Variants in ECSIT observed in about 807,000 individuals in gnomAD.
ECSIT encodes evolutionarily conserved signaling intermediate in Toll pathway, mitochondrial.
Under a neutral mutation model 36.8 loss-of-function variants are expected in ECSIT, and 29 were observed. The ratio of observed to expected loss-of-function variants is 0.79; its 90% confidence interval spans 0.59 to 1.08. The LOEUF is 1.08. Ranked by LOEUF, ECSIT falls within the 50% of genes least tolerant of loss-of-function variation. The probability of loss-of-function intolerance (pLI) is 0.00; values close to 1 mark genes in which losing one functional copy is unlikely to be tolerated. For missense variants in ECSIT, 542 were observed against 581.0 expected, an observed-to-expected ratio of 0.93 and a Z score of 0.69; for synonymous variants, 231 against 234.8, an observed-to-expected ratio of 0.98 and a Z score of 0.15.
Position 11,514,183 on chromosome 19 carries a change from T to C in ECSIT, c.135A>G (p.Ala45=). 1 of 1,609,114 alleles carries C rather than the reference T, an allele frequency of 6.2e-7. No homozygotes were observed. Among genetic ancestry groups the C allele is most frequent in the Non-Finnish European group, 8.5e-7 (1 of 1,176,904 alleles). The part of the protein sequence containing the change: ...RRLPRGLHCS[A]AAHSSEQSLV... The stretch of plus-strand genomic sequence containing the variant: ...GGGACTGTTCAGAGCTATGGGCAGC[T>C]GCGCTGCAGTGGAGGCCCCGAGGGA... The change falls in exon 3 of 8, where the codon GCA becomes GCG. Residue 45 remains alanine (A), a synonymous_variant. Transcript: ENST00000270517.
chr19:11,521,039 C>G (rs1378651449), intron 1 of ECSIT, among the ~76,000 whole-genome samples: 1 of 152,168 alleles, frequency 6.6e-6, no homozygotes, highest in Non-Finnish European at 1.5e-5. Flanking sequence ...CTCCTGACAT[C>G]AAGTGATCCA....
intron 4 of ECSIT, among the ~76,000 whole-genome samples, chr19:11,511,490 C>T (rs1343426930): frequency 6.6e-6 from 1 of 152,088 alleles, no homozygotes. Flanking sequence ...GAACAGTGTT[C>T]CTGGCAGAAG....
chr19:11,513,210 A>C lies in ECSIT; in HGVS notation c.584T>G (p.Leu195Arg). 3 of 1,614,138 alleles carry C rather than the reference A, an allele frequency of 1.9e-6. No homozygotes were observed. Among genetic ancestry groups the C allele is most frequent in the Non-Finnish European group, 2.5e-6 (3 of 1,180,028 alleles). Residue 195 changes from leucine to arginine, a missense_variant, in exon 4 of 8, where the codon CTC (leucine) becomes CGC (arginine). Transcript: ENST00000270517. The stretch of plus-strand genomic sequence containing the variant: ...CCACAGCTTCAGGCGCACCAACTTG[A>C]GCATGGGGTAGCTTTTGCGTCCAAA... ...QIFGRKSYPM[L>R]KLVRLKLWFP...
chr19:11,517,699 CGAG>C (rs1252167183), intron 2 of ECSIT, among the ~76,000 whole-genome samples: 1 of 152,002 alleles, frequency 6.6e-6, no homozygotes, highest in East Asian at 1.9e-4. Flanking sequence ...AAATGCCTAA[CGAG>C]GGGGAAACAC....
chr19:11,523,889 T>C, intron 1 of ECSIT: 1 of 441,678 alleles, frequency 2.3e-6, no homozygotes, highest in South Asian at 1.9e-5. Context: ...ATGTAATCAC[T>C]GAGACCTCTG....
At chr19:11,516,519 G>A (rs2144985691) in intron 2 of ECSIT, among the ~76,000 whole-genome samples, 1 of 152,006 alleles carries the variant, frequency 6.6e-6, no homozygotes, top group Non-Finnish European at 1.5e-5. Context: ...GGGGCGTGGT[G>A]GTGTATACCT....
chr19:11,506,568 T>C, intron 7 of ECSIT, 140 bp from the exon 8 acceptor site: 1 of 1,179,620 alleles, frequency 8.5e-7, no homozygotes, highest in East Asian at 2.8e-5. Flanking sequence ...GGAGTCTCGC[T>C]GTGTCACCCA....
At position 11,507,419 on chromosome 19, in the gene ECSIT, G is replaced by T. The variant is rs377089751; in HGVS notation, c.1051+38C>A. 31 of 1,541,888 alleles carry T rather than the reference G, an allele frequency of 2.0e-5. No individual in the cohort carries two copies. In the Middle Eastern group the frequency reaches 5.1e-4, roughly 25 times the overall value. On this transcript the variant is annotated intron_variant, in intron 7 of 7. Transcript: ENST00000270517. ...GCCTGTAGGAGGGCTGGGATTACGAGCACACATGTGAGCCACCGCACCTGG... is the reference window on the plus strand; with the variant it reads ...GCCTGTAGGAGGGCTGGGATTACGATCACACATGTGAGCCACCGCACCTGG...
chr19:11,513,579 AAG>A (rs1971919076), intron 3 of ECSIT, among the ~76,000 whole-genome samples: 1 of 109,104 alleles, frequency 9.2e-6, no homozygotes, highest in African/African-American at 3.6e-5. Context: ...AGGAGAGGAG[AAG>A]AGAGGAGAGT....
At chr19:11,513,439 C>A (rs1384542487) in intron 3 of ECSIT, among the ~76,000 whole-genome samples, 160 bp from the exon 4 acceptor site, 1 of 151,516 alleles carries the variant, frequency 6.6e-6, no homozygotes, top group African/African-American at 2.4e-5. Context: ...AATCCCAGCA[C>A]ATTGGGAGGC....
chr19:11,524,572 G>A (rs1314742961), intron 1 of ECSIT, among the ~76,000 whole-genome samples: 1 of 151,764 alleles, frequency 6.6e-6, no homozygotes, highest in Non-Finnish European at 1.5e-5. Flanking sequence ...GGGCACAGCG[G>A]CTCATGCTTC....
chr19:11,519,037 C>G lies in ECSIT; in HGVS notation c.96+38G>C, dbSNP rs1433799164. ...GAGTTGGGAGCAAATCCCAAGCTTA[C>G]CTCCCTCTACCCAAAAGACTGCCTG... On this transcript the variant is annotated intron_variant, in intron 2 of 7. Coordinates refer to ENST00000270517, the MANE Select transcript of ECSIT (RefSeq NM_016581.5). This position sits in a 1 kb window ranked among gnomAD's most constrained non-coding sequence, Gnocchi z 4.4. 1 of 1,513,056 alleles carries G rather than the reference C, an allele frequency of 6.6e-7. No homozygotes were observed. Among genetic ancestry groups the G allele is most frequent in the Admixed American group, 2.0e-5 (1 of 50,956 alleles). 93.7% of individuals were successfully genotyped at this position (1,513,056 alleles called of 1,614,324 possible).
At chr19:11,512,041 C>CA (rs1568402537) in intron 4 of ECSIT, among the ~76,000 whole-genome samples, 1 of 148,944 alleles carries the variant, frequency 6.7e-6, no homozygotes, top group East Asian at 2.0e-4. Context: ...AAAAAAAAAA[C>CA]AAACAAACAA....
rs1352746347 is a variant in ECSIT at position 11,513,804 on chromosome 19, C to G, written c.514G>C (p.Gly172Arg). 1 of 1,613,774 alleles carries G rather than the reference C, an allele frequency of 6.2e-7. No homozygotes were observed. The highest frequency in any genetic ancestry group is 8.5e-7 in the Non-Finnish European group (1 of 1,180,030). The change falls in exon 3 of 8, where the codon GGT becomes CGT. Residue 172 changes from glycine (G) to arginine (R), a missense_variant and splice_region_variant. By Grantham distance (125) the Gly-to-Arg change is moderately radical. Coordinates refer to ENST00000270517, the MANE Select transcript of ECSIT (RefSeq NM_016581.5). ...IAVLEQMENH[G>R]VMPNKETEFL... Reference sequence around the variant, plus strand: ...CCCTGCGCCAGCCTCCTGGCCTCACCGTGGTTCTCCATCTGCTCCAGGACA... The same window carrying G: ...CCCTGCGCCAGCCTCCTGGCCTCACGGTGGTTCTCCATCTGCTCCAGGACA...
Position 11,506,191 on chromosome 19 carries a change from T to A in ECSIT, c.1289A>T (p.Gln430Leu), listed in dbSNP as rs1162996997. Residue 430 changes from glutamine to leucine, a missense_variant, in exon 8 of 8, where the codon CAG becomes CTG. Coordinates refer to ENST00000270517, the MANE Select transcript of ECSIT (RefSeq NM_016581.5). ...CCCTCGCGCCGGCTCAGACTAGCTCTGGCCCTGCTGCTGTCGCTGCAGGTT... is the reference window on the plus strand; with the variant it reads ...CCCTCGCGCCGGCTCAGACTAGCTCAGGCCCTGCTGCTGTCGCTGCAGGTT... ...DDNLQRQQQGQS is the reference protein window; with the variant it reads ...DDNLQRQQQGLS 6.2e-7 allele frequency: 1 copy of A among 1,605,250 alleles called. No homozygotes were observed. Among genetic ancestry groups the A allele is most frequent in the Non-Finnish European group, 8.5e-7 (1 of 1,179,932 alleles).
chr19:11,507,711 C>G lies in ECSIT; in HGVS notation c.936G>C (p.Pro312=). The G allele has an allele frequency of 6.2e-7, 1 of 1,614,098 alleles. No homozygotes were observed. Among genetic ancestry groups the G allele is most frequent in the Non-Finnish European group, 8.5e-7 (1 of 1,180,026 alleles). Residue 312 remains proline (P), a synonymous_variant, in exon 6 of 8, where the codon CCG becomes CCC. Transcript: ENST00000270517. ...YHILRADLLP[P]EEREVEETPE... ...TGCTTTAAGCCCTCACCCTCTCCTC[C>G]GGGGGCAGCAAGTCAGCTCTGAGGA... is the stretch of plus-strand genomic sequence containing the variant.
intron 2 of ECSIT, among the ~76,000 whole-genome samples, chr19:11,517,819 A>G (rs145732509): frequency 9.9e-5 from 15 of 152,204 alleles, no homozygotes; most frequent in African/African-American, 3.4e-4. Context: ...ATTGCTATCT[A>G]TGGCTGTCAA....
chr19:11,507,429 G>A, intron 7 of ECSIT, 28 bp downstream of exon 7: 3 of 1,582,606 alleles, frequency 1.9e-6, no homozygotes, highest in Non-Finnish European at 2.6e-6. Flanking sequence ...GCACACATGT[G>A]AGCCACCGCA....
rs749617699 is a variant in ECSIT at position 11,513,098 on chromosome 19, C to T, written c.696G>A (p.Arg232=). 9 of 1,614,228 alleles carry T rather than the reference C, an allele frequency of 5.6e-6. No individual in the cohort carries two copies. Among genetic ancestry groups the T allele is most frequent in the Middle Eastern group, 1.6e-4 (1 of 6,062 alleles). The change falls in exon 4 of 8, where the codon CGG becomes CGA. Residue 232 remains arginine, a synonymous_variant. Coordinates refer to ENST00000270517, the MANE Select transcript of ECSIT (RefSeq NM_016581.5). ...TGGCACTAAGGTCAGGCTCCATGTG[C>T]CGCAGGCCAAACATGGCCAGCTCCA... ...DPVELAMFGL[R]HMEPDLSARV... is the part of the protein sequence containing the mutation.
Sources: allele counts gnomAD v4.1 joint callset (sites outside exome capture counted in the v4.1 genomes callset), GRCh38; gene constraint gnomAD v4.1.1; non-coding constraint Gnocchi (gnomAD v3.1); transcripts MANE v1.5; gene names NCBI Gene and HGNC (gene_info 2026-07-23, HGNC 2026-07-21).